Variants in PCNX1 observed in about 807,000 individuals in gnomAD.
The protein encoded by PCNX1 is pecanex 1.
In PCNX1, 78 loss-of-function variants were observed where a neutral mutation model predicts 242.2. The observed-to-expected ratio is 0.32, with a 90% CI of 0.27 to 0.39. PCNX1 has a LOEUF of 0.39. PCNX1 is among the 10% of genes least tolerant of loss of function. The probability of loss-of-function intolerance (pLI) is 1.00; values close to 1 mark genes in which losing one functional copy is unlikely to be tolerated. For synonymous variants in PCNX1, 1,024 were observed against 1,032.9 expected (o/e 0.99, Z 0.17); for missense variants, 2,581 against 2,856.5 (o/e 0.90, Z 2.20).
chr14:71,058,768 T>G (rs1477058337), intron 26 of PCNX1, among the ~76,000 whole-genome samples: 1 of 152,220 alleles, frequency 6.6e-6, no homozygotes, highest in Non-Finnish European at 1.5e-5. Flanking sequence ...GCACTCAAAT[T>G]AATGCGGAGT....
intron 1 of PCNX1, among the ~76,000 whole-genome samples, chr14:70,940,773 A>G (rs2057205642): frequency 6.6e-6 from 1 of 152,146 alleles, no homozygotes. Flanking sequence ...CCAGTCAGAC[A>G]TAGATTTGGT....
chr14:71,080,819 G>A (rs1489734909), intron 28 of PCNX1, among the ~76,000 whole-genome samples: 1 of 152,202 alleles, frequency 6.6e-6, no homozygotes, highest in African/African-American at 2.4e-5. Flanking sequence ...TGGAAACAGA[G>A]ACAATTTGAC....
At position 71,017,243 on chromosome 14, in the gene PCNX1, T is replaced by C. The variant is rs562877227; in HGVS notation, c.2997-1766T>C. Among the ~76,000 whole-genome samples, 55 of 152,318 alleles carry C rather than the reference T, an allele frequency of 3.6e-4. 2 individuals are homozygous for C. The East Asian group carries it at 0.01, about 28-fold the overall frequency. On this transcript the variant is annotated intron_variant, in intron 11 of 35. Transcript: ENST00000304743. ...AGTGGAAATTGTAGTTTAGAAACTT[T>C]CCCACAAAGAAAACTCTAGGCCCAG... is the stretch of plus-strand genomic sequence containing the variant.
At chr14:70,962,569 C>T (rs1185553935) in intron 3 of PCNX1, among the ~76,000 whole-genome samples, 1 of 152,182 alleles carries the variant, frequency 6.6e-6, no homozygotes, top group East Asian at 1.9e-4. Context: ...TTGATTATGA[C>T]AGTTGTGAAT....
At chr14:70,961,369 A>G (rs188429149) in intron 2 of PCNX1, among the ~76,000 whole-genome samples, 223 of 152,340 alleles carry the variant, frequency 1.5e-3, no homozygotes, top group Non-Finnish European at 2.9e-3. Context: ...CCGCATATCT[A>G]TAACTCTCTG....
intron 29 of PCNX1, among the ~76,000 whole-genome samples, 182 bp downstream of exon 29, chr14:71,088,612 T>C (rs1013197740): frequency 6.6e-6 from 1 of 152,240 alleles, no homozygotes; most frequent in Non-Finnish European, 1.5e-5. Context: ...TTAACAGAAC[T>C]GGTTTTTAAA....
At chr14:70,973,372 C>T (rs555635224) in intron 5 of PCNX1, among the ~76,000 whole-genome samples, 4 of 152,060 alleles carry the variant, frequency 2.6e-5, no homozygotes, top group African/African-American at 9.6e-5. Flanking sequence ...AAAACCAAGA[C>T]TGTTATCCAC....
chr14:70,937,887 T>C (rs1483134108), intron 1 of PCNX1, among the ~76,000 whole-genome samples: 2 of 152,194 alleles, frequency 1.3e-5, no homozygotes, highest in East Asian at 1.9e-4. Flanking sequence ...TTTTATTCTC[T>C]TTGAAGCAAT....
chr14:71,081,743 A>G (rs777152219), intron 28 of PCNX1, among the ~76,000 whole-genome samples: 2 of 151,544 alleles, frequency 1.3e-5, no homozygotes, highest in African/African-American at 2.4e-5. Context: ...TGTCTATTTG[A>G]TTCTTCTCTC....
chr14:70,981,576 A>T (rs1489360081), intron 6 of PCNX1, among the ~76,000 whole-genome samples: 1 of 152,184 alleles, frequency 6.6e-6, no homozygotes, highest in East Asian at 1.9e-4. Flanking sequence ...AATTTCATCA[A>T]TAATGGTTTG....
chr14:70,957,784 A>C (rs550402870), intron 2 of PCNX1, among the ~76,000 whole-genome samples: 2 of 152,236 alleles, frequency 1.3e-5, no homozygotes, highest in South Asian at 4.1e-4. Context: ...ATCATATTTC[A>C]ATAAAGTTGA....
chr14:71,051,496 A>G (rs768568714), intron 23 of PCNX1, among the ~76,000 whole-genome samples: 37 of 152,336 alleles, frequency 2.4e-4, no homozygotes, highest in Middle Eastern at 3.4e-3. Context: ...GATTTCTTAG[A>G]AGTATTTTCT....
Position 70,947,086 on chromosome 14 carries a change from A to G in PCNX1, c.325A>G (p.Asn109Asp), listed in dbSNP as rs1190047203. The change falls in exon 2 of 36, where the codon AAC becomes GAC. Residue 109 changes from asparagine to aspartate, a missense_variant. Asn to Asp is a conservative substitution (Grantham distance 23). Around this residue, in one of 9 missense-constraint regions of PCNX1, gnomAD observed 1,204 missense variants for 1,216.7 expected, o/e 0.99. Transcript: ENST00000304743. ...TDQRTKAEQG[N>D]CSTRRKDSNG... ...TCAGCGAACCAAAGCTGAACAAGGC[A>G]ACTGTTCAACCAGGAGAAAAGACAG... 1 of 1,613,000 alleles carries G rather than the reference A, an allele frequency of 6.2e-7. No homozygotes were observed. The highest frequency in any genetic ancestry group is 8.5e-7 in the Non-Finnish European group (1 of 1,179,496).
At chr14:70,969,202 T>A in intron 5 of PCNX1, 92 bp downstream of exon 5, 1 of 749,498 alleles carries the variant, frequency 1.3e-6, no homozygotes, top group Non-Finnish European at 2.4e-6. Flanking sequence ...CAGAAGTTTA[T>A]AACAATTTAA....
intron 13 of PCNX1, among the ~76,000 whole-genome samples, chr14:71,025,062 G>A (rs2060203841): frequency 6.6e-6 from 1 of 152,126 alleles, no homozygotes; most frequent in African/African-American, 2.4e-5. Context: ...GCCTGATTCA[G>A]TTATCATTTA....
At chr14:70,974,185 C>T (rs557089812) in intron 5 of PCNX1, among the ~76,000 whole-genome samples, 10 of 150,318 alleles carry the variant, frequency 6.7e-5, no homozygotes, top group African/African-American at 2.4e-4. Context: ...AAAATATACG[C>T]CCATATACCA....
Position 71,089,319 on chromosome 14 carries a change from C to T in PCNX1, c.5566C>T (p.Arg1856Cys), listed in dbSNP as rs763559515. 3 of 1,611,836 alleles carry T rather than the reference C, an allele frequency of 1.9e-6. No individual in the cohort carries two copies. The highest frequency in any genetic ancestry group is 2.5e-6 in the Non-Finnish European group (3 of 1,178,610). The change falls in exon 30 of 36, where the codon CGT becomes TGT. Residue 1856 changes from arginine (R) to cysteine (C), a missense_variant. Around this residue, in one of 9 missense-constraint regions of PCNX1, gnomAD observed 298 missense variants for 480.1 expected, o/e 0.62. Coordinates refer to ENST00000304743, the MANE Select transcript of PCNX1 (RefSeq NM_014982.3). Reference sequence around the variant, plus strand: ...AAGAAAAGTAGTAGTCCCTGGGATCCGTATGTCCATTAAACTTCATCAGGT... The same window carrying T: ...AAGAAAAGTAGTAGTCCCTGGGATCTGTATGTCCATTAAACTTCATCAGGT... Reference protein sequence around the residue: ...LLRKVVVPGIRMSIKLHQDHF... With the variant: ...LLRKVVVPGICMSIKLHQDHF...
chr14:70,987,220 T>G (rs2059026155), intron 6 of PCNX1, among the ~76,000 whole-genome samples: 1 of 152,224 alleles, frequency 6.6e-6, no homozygotes, highest in African/African-American at 2.4e-5. Flanking sequence ...CTTATCTTTC[T>G]AGATAAGCAC....
At chr14:71,024,391 T>C (rs10140218) in intron 13 of PCNX1, among the ~76,000 whole-genome samples, 3,435 of 152,296 alleles carry the variant, frequency 0.023, 45 homozygotes, top group Middle Eastern at 0.034. Context: ...TCCTTTAATC[T>C]GGAGCAATTC....
Sources: gnomAD v4.1 joint callset for allele counts (sites outside exome capture counted in the v4.1 genomes callset) on GRCh38, gnomAD v4.1.1 for gene constraint, gnomAD v4.1.1 regional missense constraint, MANE v1.5 for transcripts, NCBI Gene and HGNC (gene_info 2026-07-23, HGNC 2026-07-21) for gene names.